Variants in GLP1R observed in about 807,000 individuals in gnomAD.
GLP1R encodes glucagon like peptide 1 receptor.
A neutral mutation model predicts 68.4 loss-of-function variants in GLP1R; 32 were observed. That is an observed-to-expected ratio of 0.47 (90% CI 0.35 to 0.63). The LOEUF (loss-of-function observed/expected upper bound fraction) is 0.63. Ranked by LOEUF, GLP1R falls within the 20% of genes least tolerant of loss-of-function variation. GLP1R has a pLI of 0.00. For missense variants in GLP1R, 502 were observed against 594.9 expected (o/e 0.84, Z 1.62); for synonymous variants, 263 against 244.4 (o/e 1.08, Z -0.71).
rs572949087 is a variant in GLP1R, at chr6:39,090,533, T to C, written c.*4460T>C. Among the ~76,000 whole-genome samples the C allele has an allele frequency of 3.0e-4, 45 of 152,166 alleles. No homozygotes were observed. The highest frequency in any genetic ancestry group is 3.4e-3 in the Middle Eastern group (1 of 294). On this transcript the variant is annotated 3_prime_UTR_variant, in exon 13 of 13. Transcript: ENST00000373256. ...ATGCTGTTCTTTCAGCTGTGACCAA[T>C]TTGGGGGTGCAGCTGAGAGTGAGGT...
At chr6:39,077,590 A>G (rs1165984474) in intron 7 of GLP1R, among the ~76,000 whole-genome samples, 2 of 152,226 alleles carry the variant, frequency 1.3e-5, no homozygotes, top group Admixed American at 1.3e-4. Context: ...CACTTCTGCC[A>G]GAGGTTCCTG....
intron 3 of GLP1R, among the ~76,000 whole-genome samples, chr6:39,058,939 A>C (rs939444290): frequency 3.3e-5 from 5 of 152,228 alleles, no homozygotes; most frequent in Non-Finnish European, 7.3e-5. Flanking sequence ...AAGTGCGGGC[A>C]TGAGGTTATG....
Position 39,088,972 on chromosome 6 carries a change from G to A in GLP1R, c.*2899G>A, listed in dbSNP as rs1769215248. On this transcript the variant is annotated 3_prime_UTR_variant, in exon 13 of 13. Coordinates refer to ENST00000373256, the MANE Select transcript of GLP1R (RefSeq NM_002062.5). ...CTCAGTCTAGTGAGGCCTCTGGGAA[G>A]GATAGGTGAAAACTATAAATAGCTG... 6.6e-6 allele frequency among the ~76,000 whole-genome samples: 1 copy of A among 152,204 alleles called. No individual in the cohort carries two copies. Among genetic ancestry groups the A allele is most frequent in the Non-Finnish European group, 1.5e-5 (1 of 68,036 alleles).
chr6:39,078,289 C>T lies in GLP1R; in HGVS notation c.824-33C>T, dbSNP rs757547680. 7.8e-6 allele frequency: 12 copies of T among 1,548,258 alleles called. No individual in the cohort carries two copies. The African/African-American group carries it at 1.5e-4, about 19-fold the overall frequency. ...TAGACTGTGGCTCTGGCCTGCCAGC[C>T]CCTCTCCCCTTCTGTCTTTCCCTCT... On this transcript the variant is annotated intron_variant, in intron 7 of 12. Transcript: ENST00000373256.
At position 39,087,315 on chromosome 6, in the gene GLP1R, G is replaced by T. The variant is rs1250306599; in HGVS notation, c.*1242G>T. 1 of 152,214 alleles carries T rather than the reference G, an allele frequency of 6.6e-6. No individual in the cohort carries two copies. The highest frequency in any genetic ancestry group is 1.5e-5 in the Non-Finnish European group (1 of 68,064). 9.4% of individuals were successfully genotyped at this position (152,214 alleles called of 1,614,324 possible). A position where few individuals can be genotyped will look rare whatever the true frequency, so the allele number is the denominator to read the frequency against. On this transcript the variant is annotated 3_prime_UTR_variant, in exon 13 of 13. Transcript: ENST00000373256. ...AATTGATTTGACCCACTCACACTTG[G>T]AGCTAATTAAGGTTTGCCCTGCCTG...
At position 39,079,340 on chromosome 6, in the gene GLP1R, C is replaced by A; in HGVS notation, c.1043+140C>A. The A allele has an allele frequency of 1.2e-6, 1 of 817,646 alleles. No individual in the cohort carries two copies. Among genetic ancestry groups the A allele is most frequent in the Non-Finnish European group, 2.0e-6 (1 of 503,544 alleles). 50.6% of individuals were successfully genotyped at this position (817,646 alleles called of 1,614,324 possible). The stretch of plus-strand genomic sequence containing the variant: ...CCTTCCACCCAGGCCTGGCCTTGGA[C>A]CCCAAACCCTTGCTTTTGCCCTGTC... On this transcript the variant is annotated intron_variant, in intron 10 of 12. Coordinates refer to ENST00000373256, the MANE Select transcript of GLP1R (RefSeq NM_002062.5). This position sits in a 1 kb window ranked among gnomAD's most constrained non-coding sequence, Gnocchi z 4.5.
At chr6:39,065,038 G>C (rs1020726763) in intron 3 of GLP1R, among the ~76,000 whole-genome samples, 5 of 152,178 alleles carry the variant, frequency 3.3e-5, no homozygotes, top group Non-Finnish European at 5.9e-5. Flanking sequence ...GATCTCCAAA[G>C]GCCAAGGCTG....
At position 39,065,731 on chromosome 6, in the gene GLP1R, CG is replaced by C. The variant is rs974308440; in HGVS notation, c.306del (p.Phe103SerfsTer79). 6.4e-7 allele frequency: 1 copy of C among 1,569,628 alleles called. No individual in the cohort carries two copies. Among genetic ancestry groups the C allele is most frequent in the African/African-American group, 1.4e-5 (1 of 74,010 alleles). On this transcript the variant is annotated frameshift_variant, in exon 4 of 13. Transcript: ENST00000373256. LOFTEE classifies it high-confidence loss of function. ...CCCAGTGCCGCAGGGCCACGTGTAC[CG>C]GTTCTGCACAGCTGAAGGCCTCTGG... is the stretch of plus-strand genomic sequence containing the variant. ...ASSVPQGHVY[R>X]FCTAEGLWLQ...
At position 39,089,746 on chromosome 6, in the gene GLP1R, G is replaced by A. The variant is rs1466471240; in HGVS notation, c.*3673G>A. The stretch of plus-strand genomic sequence containing the variant: ...GTCATAGGACCGCACACCCGAGGCT[G>A]GGAGTCTAAGTGGTAGATGCTTCCT... On this transcript the variant is annotated 3_prime_UTR_variant, in exon 13 of 13. Coordinates refer to ENST00000373256, the MANE Select transcript of GLP1R (RefSeq NM_002062.5). This position sits in a 1 kb window ranked among gnomAD's most constrained non-coding sequence, Gnocchi z 4.1. Among the ~76,000 whole-genome samples the A allele has an allele frequency of 1.3e-5, 2 of 152,170 alleles. No homozygotes were observed. Among genetic ancestry groups the A allele is most frequent in the African/African-American group, 4.8e-5 (2 of 41,432 alleles).
chr6:39,062,750 G>A lies in GLP1R; in HGVS notation c.284-2961G>A, dbSNP rs187702686. ...GGACCTCCGGAGGCAAAGAGCTGGCGGATTTTAGTCTTGACTCTGCTACTT... is the reference window on the plus strand; with the variant it reads ...GGACCTCCGGAGGCAAAGAGCTGGCAGATTTTAGTCTTGACTCTGCTACTT... On this transcript the variant is annotated intron_variant, in intron 3 of 12. Transcript: ENST00000373256. Among the ~76,000 whole-genome samples the A allele has an allele frequency of 2.4e-4, 36 of 152,330 alleles. No individual in the cohort carries two copies. The East Asian group carries it at 2.5e-3, about 11-fold the overall frequency.
Position 39,049,990 on chromosome 6 carries a change from C to T in GLP1R, c.78+1072C>T, listed in dbSNP as rs1295274899. ...ACCTGAACGAACCTTGAAGTTTGTC[C>T]CAGAACCATTGCCTTGGTGAGGGCA... On this transcript the variant is annotated intron_variant, in intron 1 of 12. Coordinates refer to ENST00000373256, the MANE Select transcript of GLP1R (RefSeq NM_002062.5). This position sits in a 1 kb window ranked among gnomAD's most constrained non-coding sequence, Gnocchi z 4.5. 1.3e-5 allele frequency among the ~76,000 whole-genome samples: 2 copies of T among 152,170 alleles called. No individual in the cohort carries two copies. Among genetic ancestry groups the T allele is most frequent in the African/African-American group, 4.8e-5 (2 of 41,446 alleles).
Position 39,072,958 on chromosome 6 carries a change from G to A in GLP1R, c.606G>A (p.Lys202=). The change falls in exon 6 of 13, where the codon AAG becomes AAA. Residue 202 remains lysine, a synonymous_variant. Coordinates refer to ENST00000373256, the MANE Select transcript of GLP1R (RefSeq NM_002062.5). ...TCTTCATCAAGGACGCAGCCCTGAAGTGGATGTATAGCACAGCCGCCCAGC... is the reference window on the plus strand; with the variant it reads ...TCTTCATCAAGGACGCAGCCCTGAAATGGATGTATAGCACAGCCGCCCAGC... ...LSVFIKDAAL[K]WMYSTAAQQH... 1.9e-6 allele frequency: 3 copies of A among 1,614,198 alleles called. No individual in the cohort carries two copies. Among genetic ancestry groups the A allele is most frequent in the Non-Finnish European group, 2.5e-6 (3 of 1,180,016 alleles).
intron 3 of GLP1R, among the ~76,000 whole-genome samples, chr6:39,063,897 TACAC>T (rs151053629): frequency 1.3e-4 from 18 of 142,092 alleles, no homozygotes; most frequent in Non-Finnish European, 2.0e-4. Flanking sequence ...CCCCATCGTG[TACAC>T]ACACACACAC....
intron 5 of GLP1R, among the ~76,000 whole-genome samples, chr6:39,070,882 G>T (rs1216035734): frequency 6.6e-6 from 1 of 151,338 alleles, no homozygotes; most frequent in Non-Finnish European, 1.5e-5. Context: ...CTCATTTTAT[G>T]GTTTTTTATG....
rs1330155619 is a variant in GLP1R, at chr6:39,088,001, A to T, written c.*1928A>T. ...TAAACTGAGGATTTTGAGAATCATT[A>T]TTACATTACATAGCAACAAAGAAAC... is the stretch of plus-strand genomic sequence containing the variant. On this transcript the variant is annotated 3_prime_UTR_variant, in exon 13 of 13. Transcript: ENST00000373256. 6.6e-6 allele frequency among the ~76,000 whole-genome samples: 1 copy of T among 152,222 alleles called. No individual in the cohort carries two copies. The highest frequency in any genetic ancestry group is 1.5e-5 in the Non-Finnish European group (1 of 68,046).
Position 39,048,855 on chromosome 6 carries a change from C to T in GLP1R, c.15C>T (p.Pro5=). The stretch of plus-strand genomic sequence containing the variant: ...AACTCCCCGCCATGGCCGGCGCCCC[C>T]GGCCCGCTGCGCCTTGCGCTGCTGC... The part of the protein sequence containing the change: MAGA[P]GPLRLALLLL... The change falls in exon 1 of 13, where the codon CCC becomes CCT. Residue 5 remains proline (P), a synonymous_variant. Transcript: ENST00000373256. 1.3e-6 allele frequency: 2 copies of T among 1,490,372 alleles called. No individual in the cohort carries two copies. Among genetic ancestry groups the T allele is most frequent in the Non-Finnish European group, 1.8e-6 (2 of 1,120,354 alleles). 92.3% of individuals were successfully genotyped at this position (1,490,372 alleles called of 1,614,324 possible). A position where few individuals can be genotyped will look rare whatever the true frequency, so the allele number is the denominator to read the frequency against.
Position 39,051,165 on chromosome 6 carries a change from G to A in GLP1R, c.78+2247G>A, listed in dbSNP as rs117019828. 3.3e-3 allele frequency among the ~76,000 whole-genome samples: 503 copies of A among 152,278 alleles called. 10 individuals carry two copies. The highest frequency in any genetic ancestry group is 0.033 in the East Asian group (170 of 5,184). On this transcript the variant is annotated intron_variant, in intron 1 of 12. Transcript: ENST00000373256. The stretch of plus-strand genomic sequence containing the variant: ...TCAAAGTTAAAATCAGACACAACTG[G>A]ATTCAAATATAGGGTCTGCTATTAG...
chr6:39,050,245 G>T (rs1768055586), intron 1 of GLP1R, among the ~76,000 whole-genome samples: 1 of 152,154 alleles, frequency 6.6e-6, no homozygotes, highest in Admixed American at 6.5e-5. Context: ...GGATCTTTCA[G>T]GGGCCAGGGC....
chr6:39,072,825 C>A, intron 5 of GLP1R, 37 bp from the exon 6 acceptor site: 1 of 1,595,560 alleles, frequency 6.3e-7, no homozygotes, highest in South Asian at 1.1e-5. Flanking sequence ...GAACTGTTGG[C>A]TGCCTTGCCA....
Sources: allele counts gnomAD v4.1 joint callset (sites outside exome capture counted in the v4.1 genomes callset), GRCh38; gene constraint gnomAD v4.1.1; non-coding constraint Gnocchi (gnomAD v3.1); transcripts MANE v1.5; gene names NCBI Gene and HGNC (gene_info 2026-07-23, HGNC 2026-07-21).